Variants in MYO15A observed in about 807,000 individuals in gnomAD.
The protein encoded by MYO15A is unconventional myosin-XV.
In MYO15A, 308 loss-of-function variants were observed where a neutral mutation model predicts 394.6. The observed-to-expected ratio is 0.78, with a 90% CI of 0.71 to 0.86. MYO15A has a LOEUF of 0.86. Among genes scored for constraint, MYO15A ranks in the 40% least tolerant of loss-of-function variants. MYO15A has a pLI of 0.00. For synonymous variants in MYO15A, 1,957 were observed against 2,003.8 expected (o/e 0.98, Z 0.62); for missense variants, 4,606 against 4,799.1 (o/e 0.96, Z 1.19).
chr17:18,122,088 C>T lies in MYO15A; in HGVS notation c.3288C>T (p.Ala1096=). 6.2e-7 allele frequency: 1 copy of T among 1,612,810 alleles called. No individual in the cohort carries two copies. The highest frequency in any genetic ancestry group is 1.3e-5 in the African/African-American group (1 of 75,068). The change falls in exon 2 of 66, where the codon GCC becomes GCT. Residue 1096 remains alanine, a synonymous_variant. Transcript: ENST00000647165. Reference sequence around the variant, plus strand: ...CAGCCCCCTTGGCGCCCATCAGGGCCCCAGAGCCCCTGCCCAAGGGGGGTG... The same window carrying T: ...CAGCCCCCTTGGCGCCCATCAGGGCTCCAGAGCCCCTGCCCAAGGGGGGTG... The part of the protein sequence containing the change: ...QAAAPLAPIR[A]PEPLPKGGER...
chr17:18,172,656 C>A (rs1000911768), intron 64 of MYO15A: 3 of 362,320 alleles, frequency 8.3e-6, no homozygotes, highest in Non-Finnish European at 1.6e-5. Flanking sequence ...AAGGTGTCAG[C>A]AGGTTTGGTT....
At chr17:18,129,580 A>G (rs1343239997) in intron 7 of MYO15A, among the ~76,000 whole-genome samples, 1 of 152,152 alleles carries the variant, frequency 6.6e-6, no homozygotes, top group Non-Finnish European at 1.5e-5. Context: ...TTCTTCCCTA[A>G]AAGATTATCC....
chr17:18,142,637 C>A, intron 24 of MYO15A, 119 bp from the exon 25 acceptor site: 2 of 854,478 alleles, frequency 2.3e-6, no homozygotes, highest in Non-Finnish European at 3.9e-6. Flanking sequence ...AGCCAAAGGA[C>A]CCCAAAAGTG....
chr17:18,167,346 C>T (rs1025132274), intron 61 of MYO15A, among the ~76,000 whole-genome samples: 2 of 152,234 alleles, frequency 1.3e-5, no homozygotes, highest in African/African-American at 4.8e-5. Context: ...CTCTCACCAG[C>T]CAGCCCACAT....
Position 18,137,377 on chromosome 17 carries a change from C to T in MYO15A, c.4780-207C>T, listed in dbSNP as rs573549062. On this transcript the variant is annotated intron_variant, in intron 15 of 65. Coordinates refer to ENST00000647165, the MANE Select transcript of MYO15A (RefSeq NM_016239.4). ...AGCATTTGAACCCAGGCAGAAGGCC[C>T]CAGAGCCTTGGCCTTCAGGCACTGC... Among the ~76,000 whole-genome samples the T allele has an allele frequency of 5.9e-5, 9 of 152,326 alleles. No individual in the cohort carries two copies. In the South Asian group the frequency reaches 1.9e-3, roughly 32 times the overall value.
At chr17:18,137,226 G>A (rs2046296416) in intron 15 of MYO15A, among the ~76,000 whole-genome samples, 1 of 152,230 alleles carries the variant, frequency 6.6e-6, no homozygotes, top group South Asian at 2.1e-4. Context: ...AAAGCACTTT[G>A]TTAATTCACT....
At chr17:18,159,121 C>A (rs2046735509) in intron 53 of MYO15A, 124 bp downstream of exon 53, 1 of 1,385,202 alleles carries the variant, frequency 7.2e-7, no homozygotes, top group Non-Finnish European at 1.0e-6. Context: ...ACCCTGATTC[C>A]CTCCCAAGGA....
At chr17:18,157,087 TG>T in intron 49 of MYO15A, 22 bp downstream of exon 49, 1 of 1,613,186 alleles carries the variant, frequency 6.2e-7, no homozygotes, top group African/African-American at 1.3e-5. Flanking sequence ...TGGGGTGGGC[TG>T]GGGGCAGGAG....
chr17:18,162,486 T>C (rs962735945), intron 57 of MYO15A, 99 bp from the exon 58 acceptor site: 1 of 1,056,826 alleles, frequency 9.5e-7, no homozygotes, highest in African/African-American at 1.6e-5. Flanking sequence ...CCACAGCTTG[T>C]GGAGAGAATG....
At chr17:18,141,632 T>G in intron 22 of MYO15A, 21 bp from the exon 23 acceptor site, 1 of 1,611,210 alleles carries the variant, frequency 6.2e-7, no homozygotes, top group East Asian at 2.2e-5. Flanking sequence ...AGCCCCAGAC[T>G]AACTTTGGGC....
At chr17:18,133,903 C>T (rs921411239) in intron 12 of MYO15A, among the ~76,000 whole-genome samples, 4 of 152,286 alleles carry the variant, frequency 2.6e-5, no homozygotes, top group East Asian at 3.9e-4. Context: ...AATGATCCAC[C>T]GGCCTCGGCC....
chr17:18,137,464 T>C (rs909914862), intron 15 of MYO15A, 120 bp from the exon 16 acceptor site: 6 of 782,134 alleles, frequency 7.7e-6, no homozygotes, highest in South Asian at 5.8e-5. Context: ...CTGTGGAGGG[T>C]TGTGAGCTGA....
Position 18,147,456 on chromosome 17 carries a change from T to G in MYO15A, c.6510-573T>G, listed in dbSNP as rs956863478. 2.6e-5 allele frequency among the ~76,000 whole-genome samples: 4 copies of G among 152,196 alleles called. No individual in the cohort carries two copies. Among genetic ancestry groups the G allele is most frequent in the African/African-American group, 7.2e-5 (3 of 41,508 alleles). ...CTTGGCCAGGCTTAGCTGCAGGAGATGTAGGATGTGGGGGTGAGGGAAGCA... is the reference window on the plus strand; with the variant it reads ...CTTGGCCAGGCTTAGCTGCAGGAGAGGTAGGATGTGGGGGTGAGGGAAGCA... On this transcript the variant is annotated intron_variant, in intron 30 of 65. Coordinates refer to ENST00000647165, the MANE Select transcript of MYO15A (RefSeq NM_016239.4). This position sits in a 1 kb window ranked among gnomAD's most constrained non-coding sequence, Gnocchi z 4.4.
chr17:18,141,510 T>C (rs2046380071), intron 22 of MYO15A, 143 bp from the exon 23 acceptor site: 3 of 837,878 alleles, frequency 3.6e-6, no homozygotes, highest in Non-Finnish European at 4.0e-6. Context: ...GGAGTGCCTT[T>C]TTTCAGATTA....
chr17:18,126,934 A>G, intron 6 of MYO15A, 69 bp downstream of exon 6: 1 of 1,600,288 alleles, frequency 6.2e-7, no homozygotes, highest in Non-Finnish European at 8.6e-7. Context: ...TCTGGCCAGA[A>G]CTGCTGTGGG....
At position 18,161,446 on chromosome 17, in the gene MYO15A, G is replaced by C; in HGVS notation, c.9516G>C (p.Gln3172His). ...GCCGGACCCCAGGCCTGCCCTTTCA[G>C]GGTGAGAGGTCAATGAGTGGGAACC... ...DVSRTPGLPF[Q>H]GIAKACEQNL... The change falls in exon 57 of 66, where the codon CAG (glutamine) becomes CAC (histidine). Residue 3172 changes from glutamine to histidine, a missense_variant and splice_region_variant. Physicochemically the swap from Gln to His is conservative, Grantham distance 24. Transcript: ENST00000647165. 1 of 1,613,658 alleles carries C rather than the reference G, an allele frequency of 6.2e-7. No individual in the cohort carries two copies. The highest frequency in any genetic ancestry group is 1.7e-4 in the Middle Eastern group (1 of 6,056).
intron 56 of MYO15A, chr17:18,160,671 C>T (rs1214852357): frequency 3.0e-5 from 6 of 201,132 alleles, no homozygotes; most frequent in African/African-American, 1.4e-4. Flanking sequence ...CATCTCCAAA[C>T]CACAGGGATC....
In MYO15A at chr17:18,161,448, G is replaced by A. The variant is rs540654991; in HGVS notation, c.9517+1G>A. ...CGGACCCCAGGCCTGCCCTTTCAGG[G>A]TGAGAGGTCAATGAGTGGGAACCCA... On this transcript the variant is annotated splice_donor_variant, in intron 57 of 65. Coordinates refer to ENST00000647165, the MANE Select transcript of MYO15A (RefSeq NM_016239.4). LOFTEE classifies it high-confidence loss of function. 6.2e-7 allele frequency: 1 copy of A among 1,613,606 alleles called. No homozygotes were observed. Among genetic ancestry groups the A allele is most frequent in the African/African-American group, 1.3e-5 (1 of 75,058 alleles).
chr17:18,151,635 G>A, intron 40 of MYO15A, 108 bp downstream of exon 40: 1 of 1,466,282 alleles, frequency 6.8e-7, no homozygotes, highest in Non-Finnish European at 9.5e-7. Context: ...CTCCTGTTAG[G>A]GAGGGAGTTT....
Sources: gnomAD v4.1 joint callset for allele counts (sites outside exome capture counted in the v4.1 genomes callset) on GRCh38, gnomAD v4.1.1 for gene constraint, Gnocchi (gnomAD v3.1) non-coding constraint, MANE v1.5 for transcripts, NCBI Gene and HGNC (gene_info 2026-07-23, HGNC 2026-07-21) for gene names.